OR52N4: variants seen among roughly 807,000 people sequenced by gnomAD.
The protein encoded by OR52N4 is olfactory receptor family 52 subfamily N member 4.
OR52N4 carries 15 observed loss-of-function variants against 15.0 expected under a neutral mutation model. The observed-to-expected ratio is 1.00, with a 90% confidence interval of 0.67 to 1.54. The LOEUF (loss-of-function observed/expected upper bound fraction) is 1.54. Ranked by LOEUF, OR52N4 falls within the 40% of genes most tolerant of loss-of-function variation. The pLI, the probability that OR52N4 is intolerant of heterozygous loss-of-function variation, is 0.00. For missense variants in OR52N4, 421 were observed against 394.0 expected (o/e 1.07, Z -0.58); for synonymous variants, 143 against 143.7 (o/e 1.00, Z 0.03).
At chr11:5,739,580 A>C in the OR52N4 span, among the ~76,000 whole-genome samples, 1 of 121,166 alleles carries the variant, frequency 8.3e-6, no homozygotes, top group Non-Finnish European at 1.8e-5. Context: ...AAAAAAAAAA[A>C]ACCATGATAA....
the OR52N4 span, among the ~76,000 whole-genome samples, chr11:5,733,548 A>T: frequency 1.3e-5 from 2 of 152,038 alleles, no homozygotes; most frequent in African/African-American, 4.8e-5. Context: ...TCTTCATGTG[A>T]ACTCTTATCA....
At chr11:5,735,062 T>G in the OR52N4 span, among the ~76,000 whole-genome samples, 9 of 152,078 alleles carry the variant, frequency 5.9e-5, no homozygotes, top group African/African-American at 2.2e-4. Flanking sequence ...TCCAGATTTT[T>G]TTGGTATTTA....
the OR52N4 span, among the ~76,000 whole-genome samples, chr11:5,729,676 T>A: frequency 6.6e-6 from 1 of 152,196 alleles, no homozygotes; most frequent in African/African-American, 2.4e-5. Flanking sequence ...ATGCTAGATG[T>A]CTATGTGTTC....
At chr11:5,749,376 G>T (rs1393853983), upstream of OR52N4, among the ~76,000 whole-genome samples, 1 of 151,958 alleles carries the variant, frequency 6.6e-6, no homozygotes, top group Non-Finnish European at 1.5e-5. Context: ...AGCATTGTGT[G>T]AGGTTGAGTT....
the OR52N4 span, among the ~76,000 whole-genome samples, chr11:5,746,189 C>T: frequency 2.5e-3 from 388 of 152,180 alleles, 4 homozygotes; most frequent in African/African-American, 8.7e-3. Flanking sequence ...AGATCTAAAA[C>T]TATAAATATC....
intron 1 of OR52N4, among the ~76,000 whole-genome samples, 190 bp from the exon 2 acceptor site, chr11:5,754,503 A>G (rs1338723826): frequency 6.6e-6 from 1 of 151,908 alleles, no homozygotes; most frequent in Non-Finnish European, 1.5e-5. Context: ...AGACTGCTCA[A>G]TAAGAATTTT....
the OR52N4 span, among the ~76,000 whole-genome samples, chr11:5,748,089 T>C: frequency 6.6e-6 from 1 of 151,982 alleles, no homozygotes; most frequent in African/African-American, 2.4e-5. Context: ...CACACACATC[T>C]AACATGAACT....
chr11:5,737,784 C>G, the OR52N4 span: 1 of 261,456 alleles, frequency 3.8e-6, no homozygotes, highest in South Asian at 6.9e-5. Context: ...AATATAATCA[C>G]ACACCCACAA....
the OR52N4 span, among the ~76,000 whole-genome samples, chr11:5,730,811 T>A: frequency 1.3e-5 from 2 of 150,610 alleles, no homozygotes; most frequent in Non-Finnish European, 3.0e-5. Flanking sequence ...AGCAACTAGA[T>A]GTCTATGCAG....
the OR52N4 span, among the ~76,000 whole-genome samples, chr11:5,740,933 G>A: frequency 7.8e-6 from 1 of 127,724 alleles, no homozygotes; most frequent in Non-Finnish European, 1.7e-5. Flanking sequence ...GTGCACTCTG[G>A]TTGAGAAAAT....
chr11:5,732,374 C>G, the OR52N4 span, among the ~76,000 whole-genome samples: 1 of 152,264 alleles, frequency 6.6e-6, no homozygotes, highest in Non-Finnish European at 1.5e-5. Context: ...TTAACTTACT[C>G]TTTAGCCCAC....
the OR52N4 span, chr11:5,727,521 C>T: frequency 6.6e-6 from 1 of 152,092 alleles, no homozygotes; most frequent in Admixed American, 6.5e-5. Context: ...TCAAGATAAT[C>T]CTCAGTATGT....
chr11:5,751,197 T>C (rs1426356304), upstream of OR52N4, among the ~76,000 whole-genome samples: 3 of 93,944 alleles, frequency 3.2e-5, no homozygotes, highest in Non-Finnish European at 7.3e-5. Context: ...AAAAATATTA[T>C]GTTTGTATAT....
the OR52N4 span, among the ~76,000 whole-genome samples, chr11:5,740,956 A>G: frequency 1.6e-5 from 2 of 127,990 alleles, 1 homozygote; most frequent in Non-Finnish European, 3.5e-5. Context: ...GGGGCAATGA[A>G]ACATGGGATG....
At chr11:5,738,776 T>A in the OR52N4 span, among the ~76,000 whole-genome samples, 65,327 of 148,234 alleles carry the variant, frequency 0.44, 14,685 homozygotes, top group Non-Finnish European at 0.5. Context: ...CTTTTTTTTT[T>A]AAATAGTCCT....
the OR52N4 span, among the ~76,000 whole-genome samples, chr11:5,740,378 C>T: frequency 7.9e-6 from 1 of 127,068 alleles, no homozygotes; most frequent in Non-Finnish European, 1.7e-5. Flanking sequence ...ATGGAAACCA[C>T]GTAGAGTAAT....
chr11:5,737,622 G>A, the OR52N4 span: 1 of 815,416 alleles, frequency 1.2e-6, no homozygotes, highest in Non-Finnish European at 1.8e-6. Flanking sequence ...AATTGTGAAA[G>A]CTTCAGAAAA....
At chr11:5,728,996 C>T in the OR52N4 span, among the ~76,000 whole-genome samples, 4 of 151,880 alleles carry the variant, frequency 2.6e-5, no homozygotes, top group African/African-American at 9.7e-5. Flanking sequence ...CCCATTAACT[C>T]GTCCTTTACA....
At chr11:5,727,875 T>C in the OR52N4 span, among the ~76,000 whole-genome samples, 1 of 152,132 alleles carries the variant, frequency 6.6e-6, no homozygotes, top group Non-Finnish European at 1.5e-5. Context: ...GATAGGACAA[T>C]ATAGCCACAG....
Sources: gnomAD v4.1 joint callset for allele counts (sites outside exome capture counted in the v4.1 genomes callset) on GRCh38, gnomAD v4.1.1 for gene constraint, MANE v1.5 for transcripts, NCBI Gene and HGNC (gene_info 2026-07-23, HGNC 2026-07-21) for gene names.